Variants in CDH9 observed in about 807,000 individuals in gnomAD.
CDH9 encodes cadherin-9.
In CDH9, 28 loss-of-function variants were observed where a neutral mutation model predicts 70.9. The ratio of observed to expected loss-of-function variants is 0.40; its 90% CI spans 0.29 to 0.54. The LOEUF (loss-of-function observed/expected upper bound fraction) is 0.54. Among genes scored for constraint, CDH9 ranks in the 20% least tolerant of loss-of-function variants. The pLI, the probability that CDH9 is intolerant of heterozygous loss-of-function variation, is 0.59. For missense variants in CDH9, 874 were observed against 984.4 expected, an observed-to-expected ratio of 0.89 and a Z score of 1.50; for synonymous variants, 409 against 343.1, an observed-to-expected ratio of 1.19 and a Z score of -2.12.
At chr5:26,950,292 G>C (rs28445346) in intron 2 of CDH9, among the ~76,000 whole-genome samples, 19,080 of 152,194 alleles carry the variant, frequency 0.13, 3,997 homozygotes, top group African/African-American at 0.44. Flanking sequence ...CCTTTGGTCA[G>C]TATCTCAGTG....
At position 26,934,143 on chromosome 5, in the gene CDH9, T is replaced by C. The variant is rs559308861; in HGVS notation, c.229-18219A>G. Among the ~76,000 whole-genome samples, 219 of 152,154 alleles carry C rather than the reference T, an allele frequency of 1.4e-3. 1 individual carries two copies. The highest frequency in any genetic ancestry group is 5.1e-3 in the African/African-American group (212 of 41,524). ...AGGGGAGAAAGGTGCTAGGTTCTTT[T>C]CAACAACCAGTTCTTGATGGAACTG... On this transcript the variant is annotated intron_variant, in intron 2 of 11. Coordinates refer to ENST00000231021, the MANE Select transcript of CDH9 (RefSeq NM_016279.4).
chr5:26,986,135 A>G (rs1052566538), intron 2 of CDH9, among the ~76,000 whole-genome samples: 2 of 152,098 alleles, frequency 1.3e-5, no homozygotes, highest in African/African-American at 4.8e-5. Context: ...TCTATTTCAT[A>G]TACATATTAT....
chr5:27,019,456 C>T (rs1447929758), intron 1 of CDH9, among the ~76,000 whole-genome samples: 1 of 151,832 alleles, frequency 6.6e-6, no homozygotes. Context: ...TAATCCCAGT[C>T]TACTTTGTAA....
Position 26,915,748 on chromosome 5 carries a change from A to T in CDH9, c.405T>A (p.Thr135=). 2 of 1,613,608 alleles carry T rather than the reference A, an allele frequency of 1.2e-6. No homozygotes were observed. Among genetic ancestry groups the T allele is most frequent in the Non-Finnish European group, 1.7e-6 (2 of 1,179,610 alleles). ...CCGATTCCGGTTCCACCTGCCGCCC[A>T]GTTTTTCTGTCTATAGCCTTGGCAC... The part of the protein sequence containing the change: ...ILRAKAIDRK[T]GRQVEPESEF... Residue 135 remains threonine, a synonymous_variant, in exon 3 of 12, where the codon ACT becomes ACA. Transcript: ENST00000231021.
intron 1 of CDH9, among the ~76,000 whole-genome samples, chr5:26,989,718 C>T (rs947026842): frequency 6.6e-6 from 1 of 151,990 alleles, no homozygotes; most frequent in Non-Finnish European, 1.5e-5. Flanking sequence ...TTGTTTAAGC[C>T]AGAAACCCAA....
At chr5:26,884,408 A>G (rs1417446646) in intron 11 of CDH9, among the ~76,000 whole-genome samples, 1 of 152,134 alleles carries the variant, frequency 6.6e-6, no homozygotes, top group African/African-American at 2.4e-5. Flanking sequence ...TCCTGAGCGA[A>G]TAAAACAACG....
At chr5:26,937,832 A>T (rs1741586396) in intron 2 of CDH9, among the ~76,000 whole-genome samples, 1 of 152,028 alleles carries the variant, frequency 6.6e-6, no homozygotes. Flanking sequence ...TTAGGGAGAG[A>T]GGAATAGATG....
chr5:26,921,263 T>TA (rs1741238988), intron 2 of CDH9, among the ~76,000 whole-genome samples: 1 of 151,984 alleles, frequency 6.6e-6, no homozygotes, highest in African/African-American at 2.4e-5. Context: ...GCCCAGTAAT[T>TA]ACTCACTCTG....
At chr5:26,922,368 G>C (rs944766049) in intron 2 of CDH9, among the ~76,000 whole-genome samples, 1 of 151,870 alleles carries the variant, frequency 6.6e-6, no homozygotes, top group Non-Finnish European at 1.5e-5. Flanking sequence ...ATACAAAGGG[G>C]CTTAAATGCA....
At position 26,984,868 on chromosome 5, in the gene CDH9, C is replaced by T. The variant is rs112693886; in HGVS notation, c.228+3238G>A. Among the ~76,000 whole-genome samples the T allele has an allele frequency of 7.3e-3, 1,117 of 152,112 alleles. 19 individuals are homozygous for T. Among genetic ancestry groups the T allele is most frequent in the African/African-American group, 0.026 (1,060 of 41,536 alleles). On this transcript the variant is annotated intron_variant, in intron 2 of 11. Coordinates refer to ENST00000231021, the MANE Select transcript of CDH9 (RefSeq NM_016279.4). Reference sequence around the variant, plus strand: ...AACCAAATTTCAAATTGCATTATTGCGAAAAACAAAAACTTGCTATTTATT... The same window carrying T: ...AACCAAATTTCAAATTGCATTATTGTGAAAAACAAAAACTTGCTATTTATT...
chr5:26,898,670 T>C (rs571232050), intron 7 of CDH9, among the ~76,000 whole-genome samples: 2 of 152,140 alleles, frequency 1.3e-5, no homozygotes, highest in Non-Finnish European at 2.9e-5. Context: ...AAAAATTCAC[T>C]CAAGATGGAC....
intron 1 of CDH9, among the ~76,000 whole-genome samples, 200 bp downstream of exon 1, chr5:27,038,263 G>A (rs1201583976): frequency 6.6e-6 from 1 of 151,904 alleles, no homozygotes; most frequent in Non-Finnish European, 1.5e-5. Context: ...AGAAGCAAAT[G>A]TTGCAAGTTT....
intron 1 of CDH9, among the ~76,000 whole-genome samples, chr5:27,012,762 T>A (rs1245715922): frequency 2.6e-5 from 4 of 152,034 alleles, no homozygotes; most frequent in Non-Finnish European, 5.9e-5. Context: ...AAAAACACAT[T>A]AGCATGTTTT....
intron 7 of CDH9, among the ~76,000 whole-genome samples, chr5:26,900,066 TA>T (rs1740827394): frequency 6.6e-6 from 1 of 152,044 alleles, no homozygotes; most frequent in Non-Finnish European, 1.5e-5. Flanking sequence ...AACTTTATGT[TA>T]ATACATTTGA....
At chr5:26,909,325 T>C (rs894270372) in intron 3 of CDH9, among the ~76,000 whole-genome samples, 9 of 152,084 alleles carry the variant, frequency 5.9e-5, no homozygotes, top group African/African-American at 2.2e-4. Flanking sequence ...AGAGACAAAA[T>C]AAAAGAGAAT....
At chr5:27,011,868 G>C (rs973132594) in intron 1 of CDH9, among the ~76,000 whole-genome samples, 2 of 151,786 alleles carry the variant, frequency 1.3e-5, no homozygotes, top group Admixed American at 1.3e-4. Flanking sequence ...CTCTGCCTCT[G>C]TTTCTTATTT....
chr5:26,882,847 A>G (rs1391589317), intron 11 of CDH9, among the ~76,000 whole-genome samples: 2 of 151,246 alleles, frequency 1.3e-5, no homozygotes, highest in African/African-American at 2.4e-5. Flanking sequence ...TGTCATTGAG[A>G]CTACACTTCA....
At chr5:26,910,844 C>A (rs1194005477) in intron 3 of CDH9, among the ~76,000 whole-genome samples, 1 of 152,112 alleles carries the variant, frequency 6.6e-6, no homozygotes, top group African/African-American at 2.4e-5. Flanking sequence ...TGCCATAGGG[C>A]GATGACAGCC....
intron 1 of CDH9, among the ~76,000 whole-genome samples, chr5:27,021,183 T>C (rs1158546448): frequency 6.6e-6 from 1 of 151,836 alleles, no homozygotes; most frequent in Non-Finnish European, 1.5e-5. Flanking sequence ...AAGAGGGAGC[T>C]AAAGCATTGT....
Sources: allele counts gnomAD v4.1 joint callset (sites outside exome capture counted in the v4.1 genomes callset), GRCh38; gene constraint gnomAD v4.1.1; transcripts MANE v1.5; gene names NCBI Gene and HGNC (gene_info 2026-07-23, HGNC 2026-07-21).